Variants in NXPH1 observed in about 807,000 individuals in gnomAD.
The protein encoded by NXPH1 is neurexophilin 1.
NXPH1 carries 5 observed loss-of-function variants against 23.7 expected under a neutral mutation model. The ratio of observed to expected loss-of-function variants is 0.21; its 90% CI spans 0.11 to 0.44. The LOEUF (loss-of-function observed/expected upper bound fraction) is 0.44, where lower values mean the gene tolerates loss of function less well. Ranked by LOEUF, NXPH1 falls within the 20% of genes least tolerant of loss-of-function variation. The probability of loss-of-function intolerance (pLI) is 0.99; values close to 1 mark genes in which losing one functional copy is unlikely to be tolerated. For synonymous variants in NXPH1, 144 were observed against 122.2 expected, an observed-to-expected ratio of 1.18 and a Z score of -1.18; for missense variants, 324 against 321.6, an observed-to-expected ratio of 1.01 and a Z score of -0.06.
At chr7:8,490,082 T>C (rs1480788153) in intron 2 of NXPH1, among the ~76,000 whole-genome samples, 1 of 152,062 alleles carries the variant, frequency 6.6e-6, no homozygotes, top group Non-Finnish European at 1.5e-5. Context: ...CCTACTGACT[T>C]AGTCTGGCTC....
At chr7:8,589,263 G>C (rs576580914) in intron 2 of NXPH1, among the ~76,000 whole-genome samples, 1 of 152,254 alleles carries the variant, frequency 6.6e-6, no homozygotes, top group Non-Finnish European at 1.5e-5. Context: ...CAGAGAATTA[G>C]AGGTGGAGCT....
intron 2 of NXPH1, among the ~76,000 whole-genome samples, chr7:8,727,189 T>C (rs1780071228): frequency 7.5e-6 from 1 of 134,228 alleles, no homozygotes; most frequent in South Asian, 2.4e-4. Flanking sequence ...GGGTTGTTTG[T>C]TTTTTTCTTG....
chr7:8,561,036 G>A (rs1398576502), intron 2 of NXPH1, among the ~76,000 whole-genome samples: 2 of 151,478 alleles, frequency 1.3e-5, no homozygotes, highest in Non-Finnish European at 3.0e-5. Context: ...CAACCCCTCT[G>A]CTTTTCAAGT....
intron 2 of NXPH1, among the ~76,000 whole-genome samples, chr7:8,639,441 C>T (rs530537689): frequency 6.6e-6 from 1 of 151,918 alleles, no homozygotes; most frequent in South Asian, 2.1e-4. Context: ...TACTTATTTA[C>T]ATAGCTACCA....
intron 2 of NXPH1, among the ~76,000 whole-genome samples, chr7:8,635,280 T>C (rs1173867265): frequency 2.0e-5 from 3 of 152,220 alleles, no homozygotes; most frequent in Non-Finnish European, 4.4e-5. Flanking sequence ...CTTTAAGAAC[T>C]AACACACAGC....
chr7:8,695,676 A>G (rs1303784820), intron 2 of NXPH1, among the ~76,000 whole-genome samples: 1 of 152,216 alleles, frequency 6.6e-6, no homozygotes, highest in African/African-American at 2.4e-5. Flanking sequence ...TAATATACTA[A>G]GTATTTTGTG....
chr7:8,484,805 A>C (rs1029671335), intron 2 of NXPH1, among the ~76,000 whole-genome samples: 5 of 152,188 alleles, frequency 3.3e-5, no homozygotes, highest in Non-Finnish European at 7.4e-5. Context: ...ATTATTCAGT[A>C]ATGGATCAAA....
intron 2 of NXPH1, among the ~76,000 whole-genome samples, chr7:8,463,312 C>A (rs1450260808): frequency 6.6e-6 from 1 of 150,454 alleles, no homozygotes; most frequent in Non-Finnish European, 1.5e-5. Context: ...TTTTTCATGG[C>A]CACATAGTAT....
intron 2 of NXPH1, among the ~76,000 whole-genome samples, chr7:8,727,484 G>A (rs979140766): frequency 4.7e-5 from 7 of 149,396 alleles, no homozygotes; most frequent in African/African-American, 1.8e-4. Context: ...TAACGTTTAA[G>A]TCTTTAATCC....
intron 2 of NXPH1, among the ~76,000 whole-genome samples, chr7:8,526,805 C>T (rs1158146098): frequency 6.6e-6 from 1 of 152,176 alleles, no homozygotes; most frequent in Non-Finnish European, 1.5e-5. Flanking sequence ...TCCAATTAAA[C>T]CTCTTTTTCT....
intron 2 of NXPH1, among the ~76,000 whole-genome samples, chr7:8,552,114 CAA>C (rs34390317): frequency 0.073 from 4,469 of 60,842 alleles, 55 homozygotes; most frequent in African/African-American, 0.094. Context: ...GAAAAAAAAC[CAA>C]AAAAAAAAAA....
In NXPH1 at chr7:8,619,264, C is replaced by T. The variant is rs1461905241; in HGVS notation, c.55-131744C>T. ...CTCTGTAATAGTCAGCAATCCCTGT[C>T]TTATCTCCTTGGTTCAGATTGGCCT... On this transcript the variant is annotated intron_variant, in intron 2 of 2. Transcript: ENST00000405863. Among the ~76,000 whole-genome samples the T allele has an allele frequency of 2.0e-5, 3 of 152,276 alleles. 1 individual carries two copies. The highest frequency in any genetic ancestry group is 1.5e-5 in the Non-Finnish European group (1 of 68,034).
At chr7:8,718,872 T>A (rs1779919768) in intron 2 of NXPH1, among the ~76,000 whole-genome samples, 1 of 152,182 alleles carries the variant, frequency 6.6e-6, no homozygotes, top group South Asian at 2.1e-4. Context: ...AAATATTAGG[T>A]GCCGGCCATC....
At chr7:8,512,823 C>T (rs1296117382) in intron 2 of NXPH1, among the ~76,000 whole-genome samples, 1 of 152,028 alleles carries the variant, frequency 6.6e-6, no homozygotes, top group Non-Finnish European at 1.5e-5. Flanking sequence ...CCATGTTGAA[C>T]AGAATTGCAT....
intron 2 of NXPH1, among the ~76,000 whole-genome samples, chr7:8,731,357 A>C (rs536213448): frequency 5.4e-4 from 82 of 152,296 alleles, no homozygotes; most frequent in South Asian, 8.3e-4. Flanking sequence ...AGTCATTCTC[A>C]ATCCAGCTTT....
chr7:8,718,721 A>T (rs1779917283), intron 2 of NXPH1, among the ~76,000 whole-genome samples: 2 of 152,210 alleles, frequency 1.3e-5, no homozygotes, highest in Non-Finnish European at 2.9e-5. Flanking sequence ...TTACTTAGAC[A>T]TCTCCAGGAA....
chr7:8,559,217 C>T (rs1818404008), intron 2 of NXPH1, among the ~76,000 whole-genome samples: 1 of 151,644 alleles, frequency 6.6e-6, no homozygotes. Flanking sequence ...CTCAGCCTTC[C>T]AAAGTGTTAA....
intron 2 of NXPH1, among the ~76,000 whole-genome samples, chr7:8,643,518 A>C (rs1820349818): frequency 6.6e-6 from 1 of 152,050 alleles, no homozygotes; most frequent in African/African-American, 2.4e-5. Flanking sequence ...TCTTTTGTTA[A>C]TATGACAATT....
intron 2 of NXPH1, among the ~76,000 whole-genome samples, chr7:8,660,516 A>G (rs1243916602): frequency 1.3e-5 from 2 of 152,238 alleles, no homozygotes; most frequent in Admixed American, 6.5e-5. Context: ...TAAAGATTGC[A>G]ATGCCAAACT....
Sources: gnomAD v4.1 joint callset for allele counts (sites outside exome capture counted in the v4.1 genomes callset) on GRCh38, gnomAD v4.1.1 for gene constraint, MANE v1.5 for transcripts, NCBI Gene and HGNC (gene_info 2026-07-23, HGNC 2026-07-21) for gene names.